TMEM26: variants seen among roughly 807,000 people sequenced by gnomAD.
TMEM26 encodes the protein transmembrane protein 26.
Under a neutral mutation model 28.8 loss-of-function variants are expected in TMEM26, and 38 were observed. The ratio of observed to expected loss-of-function variants is 1.32; its 90% CI spans 1.02 to 1.73. The LOEUF (loss-of-function observed/expected upper bound fraction) is 1.73, where lower values mean the gene tolerates loss of function less well. Ranked by LOEUF, TMEM26 falls within the 40% of genes most tolerant of loss-of-function variation. TMEM26 has a pLI of 0.00. For missense variants in TMEM26, 518 were observed against 447.1 expected (o/e 1.16, Z -1.43); for synonymous variants, 227 against 182.9 (o/e 1.24, Z -1.95).
chr10:61,410,216 T>G lies in TMEM26; in HGVS notation c.*106A>C. On this transcript the variant is annotated 3_prime_UTR_variant, in exon 6 of 6. Transcript: ENST00000399298. Reference sequence around the variant, plus strand: ...GGTTTAAGATCACCTTTTTATGTTGTTCTTTTGAAAATTATTATACGCCAA... The same window carrying G: ...GGTTTAAGATCACCTTTTTATGTTGGTCTTTTGAAAATTATTATACGCCAA... 7.9e-7 allele frequency: 1 copy of G among 1,260,372 alleles called. No homozygotes were observed. 78.1% of individuals were successfully genotyped at this position (1,260,372 alleles called of 1,614,324 possible). A position where few individuals can be genotyped will look rare whatever the true frequency, so the allele number is the denominator to read the frequency against.
At chr10:61,433,085 T>G (rs955044185) in intron 2 of TMEM26, among the ~76,000 whole-genome samples, 4 of 152,178 alleles carry the variant, frequency 2.6e-5, no homozygotes, top group Non-Finnish European at 5.9e-5. Flanking sequence ...AATATGTTTT[T>G]GACATTCTTA....
chr10:61,421,822 A>G (rs760952397), intron 4 of TMEM26, among the ~76,000 whole-genome samples: 3 of 152,180 alleles, frequency 2.0e-5, no homozygotes, highest in Non-Finnish European at 2.9e-5. Context: ...GTATTTTGCT[A>G]TAATAGCCCT....
chr10:61,449,340 A>T lies in TMEM26; in HGVS notation c.191+3551T>A, dbSNP rs1468802409. Among the ~76,000 whole-genome samples the T allele has an allele frequency of 2.0e-5, 3 of 151,774 alleles. No individual in the cohort carries two copies. In the East Asian group the frequency reaches 5.8e-4, roughly 29 times the overall value. ...GTTGTTGGCTCACCCTCTCTATTCT[A>T]TAGGATTCCAACAAATCAAACCTCT... On this transcript the variant is annotated intron_variant, in intron 1 of 5. Transcript: ENST00000399298.
chr10:61,421,158 A>T (rs1401569718), intron 4 of TMEM26, among the ~76,000 whole-genome samples: 4 of 152,074 alleles, frequency 2.6e-5, no homozygotes, highest in Non-Finnish European at 5.9e-5. Context: ...GTGAAATTTT[A>T]AAATGTATAT....
intron 1 of TMEM26, among the ~76,000 whole-genome samples, chr10:61,450,113 T>C (rs1190306221): frequency 6.6e-6 from 1 of 152,198 alleles, no homozygotes; most frequent in East Asian, 1.9e-4. Flanking sequence ...TTTTTGCTCA[T>C]GTCTTCACAT....
At chr10:61,419,333 A>T (rs1440682915) in intron 4 of TMEM26, among the ~76,000 whole-genome samples, 1 of 152,144 alleles carries the variant, frequency 6.6e-6, no homozygotes, top group African/African-American at 2.4e-5. Flanking sequence ...GTCTCTACTG[A>T]GGTCCAGATA....
chr10:61,437,361 A>G (rs1407492694), intron 1 of TMEM26, among the ~76,000 whole-genome samples: 3 of 152,224 alleles, frequency 2.0e-5, no homozygotes, highest in African/African-American at 7.2e-5. Context: ...CTTCCCGTAA[A>G]GCAGTGCCTG....
intron 1 of TMEM26, among the ~76,000 whole-genome samples, chr10:61,443,243 G>A (rs1050649860): frequency 2.6e-5 from 4 of 150,980 alleles, no homozygotes; most frequent in African/African-American, 9.8e-5. Flanking sequence ...ACAAGGTCAG[G>A]AGATCGAGAC....
At chr10:61,416,815 T>C (rs1028854446) in intron 4 of TMEM26, among the ~76,000 whole-genome samples, 4 of 152,082 alleles carry the variant, frequency 2.6e-5, no homozygotes, top group Non-Finnish European at 5.9e-5. Context: ...AAAATCTTTG[T>C]ATATTATTCA....
chr10:61,425,707 T>C (rs752237568), intron 4 of TMEM26, among the ~76,000 whole-genome samples: 1 of 152,122 alleles, frequency 6.6e-6, no homozygotes, highest in Non-Finnish European at 1.5e-5. Flanking sequence ...ACATTAGTCA[T>C]TAAAGAGCTG....
At chr10:61,450,468 C>T (rs899452729) in intron 1 of TMEM26, among the ~76,000 whole-genome samples, 2 of 152,058 alleles carry the variant, frequency 1.3e-5, no homozygotes, top group African/African-American at 4.8e-5. Flanking sequence ...ATTTTTTATT[C>T]TCACATTTAT....
rs1281526957 is a variant in TMEM26 at position 61,409,077 on chromosome 10, G to A, written c.*1245C>T. 2 of 152,092 alleles carry A rather than the reference G, an allele frequency of 1.3e-5. No homozygotes were observed. The highest frequency in any genetic ancestry group is 2.1e-4 in the South Asian group (1 of 4,830). 9.4% of individuals were successfully genotyped at this position (152,092 alleles called of 1,614,324 possible). The stretch of plus-strand genomic sequence containing the variant: ...GAACAGTTTTGGAACTGTTTGCCTC[G>A]TGTAATTACTGCTACACACCCGAGC... On this transcript the variant is annotated 3_prime_UTR_variant, in exon 6 of 6. Transcript: ENST00000399298.
At chr10:61,439,811 G>A (rs1840063047) in intron 1 of TMEM26, among the ~76,000 whole-genome samples, 1 of 152,160 alleles carries the variant, frequency 6.6e-6, no homozygotes, top group Non-Finnish European at 1.5e-5. Flanking sequence ...CCTAGACTCA[G>A]CTCTGAAAAT....
rs765233231 is a variant in TMEM26, at chr10:61,431,277, A to G, written c.326T>C (p.Phe109Ser). The G allele has an allele frequency of 2.5e-5, 41 of 1,613,152 alleles. No homozygotes were observed. Among genetic ancestry groups the G allele is most frequent in the Admixed American group, 8.3e-5 (5 of 59,960 alleles). Reference sequence around the variant, plus strand: ...TTCATTGGATGTCAATGTTTGATTGAAGTCTTCTTTTCTGCTGGTATTCTG... The same window carrying G: ...TTCATTGGATGTCAATGTTTGATTGGAGTCTTCTTTTCTGCTGGTATTCTG... Reference protein sequence around the residue: ...TSQNTSRKEDFNQTLTSNEQT... With the variant: ...TSQNTSRKEDSNQTLTSNEQT... Residue 109 changes from phenylalanine (F) to serine (S), a missense_variant, in exon 3 of 6, where the codon TTC becomes TCC. Coordinates refer to ENST00000399298, the MANE Select transcript of TMEM26 (RefSeq NM_178505.8).
At chr10:61,431,364 C>A (rs921965792) in intron 2 of TMEM26, 32 bp from the exon 3 acceptor site, 1 of 1,525,868 alleles carries the variant, frequency 6.6e-7, no homozygotes, top group Non-Finnish European at 9.1e-7. Context: ...GCAATTATGG[C>A]AAAAAATTAG....
intron 4 of TMEM26, among the ~76,000 whole-genome samples, chr10:61,423,340 T>G (rs912032879): frequency 5.9e-5 from 9 of 152,196 alleles, no homozygotes; most frequent in African/African-American, 1.9e-4. Context: ...CTTGAGGTAT[T>G]TGATGAAGTC....
chr10:61,444,316 G>A (rs927725849), intron 1 of TMEM26, among the ~76,000 whole-genome samples: 6 of 151,990 alleles, frequency 3.9e-5, no homozygotes, highest in Non-Finnish European at 8.8e-5. Context: ...TATTGCTGCC[G>A]ACTACAGGAA....
chr10:61,414,014 G>C, intron 4 of TMEM26: 1 of 987,330 alleles, frequency 1.0e-6, no homozygotes, highest in Non-Finnish European at 1.2e-6. Flanking sequence ...TCATTAGATA[G>C]GAAAAAGGTA....
At chr10:61,428,247 A>G (rs1839863703) in intron 4 of TMEM26, among the ~76,000 whole-genome samples, 1 of 152,066 alleles carries the variant, frequency 6.6e-6, no homozygotes, top group African/African-American at 2.4e-5. Flanking sequence ...TTAAATCCCT[A>G]ATGGTAAGAA....
Sources: allele counts gnomAD v4.1 joint callset (sites outside exome capture counted in the v4.1 genomes callset), GRCh38; gene constraint gnomAD v4.1.1; transcripts MANE v1.5; gene names NCBI Gene and HGNC (gene_info 2026-07-23, HGNC 2026-07-21).